The following ERC2 variants were observed in gnomAD, a reference collection of about 807,000 sequenced individuals.
The protein encoded by ERC2 is ERC protein 2.
In ERC2, 42 loss-of-function variants were observed where a neutral mutation model predicts 114.8. The observed-to-expected ratio is 0.37, with a 90% CI of 0.29 to 0.47. ERC2 has a LOEUF of 0.47. Among genes scored for constraint, ERC2 ranks in the 20% least tolerant of loss-of-function variants. ERC2 has a pLI of 0.99. For missense variants in ERC2, 939 were observed against 1,150.7 expected (o/e 0.82, Z 2.66); for synonymous variants, 454 against 425.5 (o/e 1.07, Z -0.82).
At chr3:56,191,519 C>A (rs1483588904) in intron 3 of ERC2, among the ~76,000 whole-genome samples, 1 of 152,190 alleles carries the variant, frequency 6.6e-6, no homozygotes, top group Non-Finnish European at 1.5e-5. Flanking sequence ...CAATCAACCT[C>A]ATTTTACAGA....
At chr3:56,378,923 T>C (rs2106692064) in intron 2 of ERC2, among the ~76,000 whole-genome samples, 1 of 152,336 alleles carries the variant, frequency 6.6e-6, no homozygotes, top group Non-Finnish European at 1.5e-5. Context: ...GCAAGCCACA[T>C]GTGCAATTTT....
chr3:55,627,508 T>C (rs931111654), intron 17 of ERC2, among the ~76,000 whole-genome samples: 1 of 152,092 alleles, frequency 6.6e-6, no homozygotes, highest in Non-Finnish European at 1.5e-5. Flanking sequence ...AATTTCTTTT[T>C]TCTCTGGGTC....
intron 2 of ERC2, among the ~76,000 whole-genome samples, chr3:56,360,203 C>A (rs1034814967): frequency 1.3e-4 from 20 of 151,692 alleles, no homozygotes; most frequent in Admixed American, 5.9e-4. Flanking sequence ...GCACCCACCA[C>A]CACACCTGGC....
chr3:55,583,907 T>C (rs2057455191), intron 17 of ERC2, among the ~76,000 whole-genome samples: 1 of 151,850 alleles, frequency 6.6e-6, no homozygotes, highest in Non-Finnish European at 1.5e-5. Flanking sequence ...CCAAAACAGG[T>C]ACAGGGTTAG....
At chr3:55,767,505 C>T (rs547484736) in intron 14 of ERC2, among the ~76,000 whole-genome samples, 176 of 152,312 alleles carry the variant, frequency 1.2e-3, no homozygotes, top group African/African-American at 4.2e-3. Context: ...CTCGGAGTTA[C>T]TCCTTCTCTC....
intron 17 of ERC2, among the ~76,000 whole-genome samples, chr3:55,565,250 G>T (rs2056292890): frequency 6.6e-6 from 1 of 152,194 alleles, no homozygotes; most frequent in South Asian, 2.1e-4. Flanking sequence ...TTTAAGGAAA[G>T]AATAAGTGAT....
chr3:56,221,559 T>C (rs975596052), intron 3 of ERC2, among the ~76,000 whole-genome samples: 4 of 152,164 alleles, frequency 2.6e-5, no homozygotes, highest in African/African-American at 9.7e-5. Context: ...CCACACTCAA[T>C]TCCAAGGTGT....
At chr3:55,759,475 A>AC in intron 14 of ERC2, among the ~76,000 whole-genome samples, 1 of 102,940 alleles carries the variant, frequency 9.7e-6, no homozygotes, top group African/African-American at 3.9e-5. Context: ...AAAAAAAAAA[A>AC]AAAAAAAAAA....
chr3:56,000,883 G>A, intron 10 of ERC2, among the ~76,000 whole-genome samples: 1 of 142,906 alleles, frequency 7.0e-6, no homozygotes, highest in Non-Finnish European at 1.5e-5. Flanking sequence ...GCGAGACTTC[G>A]TCTTAAGTTT....
At chr3:55,574,723 C>T (rs1185912206) in intron 17 of ERC2, among the ~76,000 whole-genome samples, 1 of 152,180 alleles carries the variant, frequency 6.6e-6, no homozygotes, top group Non-Finnish European at 1.5e-5. Flanking sequence ...GGTGGCATTG[C>T]TACCATGACT....
chr3:56,184,023 C>T (rs940543512), intron 3 of ERC2, among the ~76,000 whole-genome samples: 1 of 152,084 alleles, frequency 6.6e-6, no homozygotes, highest in Non-Finnish European at 1.5e-5. Context: ...TTTCAGCTGT[C>T]ACAAGTAAAT....
At chr3:56,191,854 C>T (rs939594860) in intron 3 of ERC2, among the ~76,000 whole-genome samples, 1 of 152,080 alleles carries the variant, frequency 6.6e-6, no homozygotes, top group African/African-American at 2.4e-5. Flanking sequence ...TCATCTGCTG[C>T]ACAGGCCACA....
chr3:56,196,460 G>C (rs1435656049), intron 3 of ERC2, among the ~76,000 whole-genome samples: 1 of 150,980 alleles, frequency 6.6e-6, no homozygotes, highest in Non-Finnish European at 1.5e-5. Context: ...TAAACTCGCT[G>C]CTGAGTCACA....
chr3:56,025,574 A>G (rs529745802), intron 7 of ERC2, among the ~76,000 whole-genome samples: 1 of 152,318 alleles, frequency 6.6e-6, no homozygotes, highest in Admixed American at 6.5e-5. Context: ...CCAGCAACCA[A>G]GCATTTCTCA....
intron 2 of ERC2, among the ~76,000 whole-genome samples, chr3:56,301,143 G>A (rs1339257451): frequency 2.6e-5 from 4 of 152,268 alleles, no homozygotes; most frequent in East Asian, 3.9e-4. Context: ...AAGTGGTTAC[G>A]ATGGATGCTT....
At chr3:55,814,451 G>C (rs2149135043) in intron 14 of ERC2, among the ~76,000 whole-genome samples, 1 of 152,298 alleles carries the variant, frequency 6.6e-6, no homozygotes, top group East Asian at 1.9e-4. Flanking sequence ...TTTTTGCTCT[G>C]CTGTACTGCA....
intron 2 of ERC2, among the ~76,000 whole-genome samples, chr3:56,316,280 A>G (rs1455859943): frequency 6.6e-6 from 1 of 152,230 alleles, no homozygotes; most frequent in Admixed American, 6.5e-5. Flanking sequence ...TAAAAGTGGA[A>G]AGAATTGCAG....
intron 3 of ERC2, among the ~76,000 whole-genome samples, chr3:56,231,589 A>G (rs112124429): frequency 5.4e-4 from 83 of 152,326 alleles, no homozygotes; most frequent in African/African-American, 2.0e-3. Context: ...AGTATACACA[A>G]TGCATTATAA....
At chr3:56,129,323 G>A (rs549683469) in intron 6 of ERC2, among the ~76,000 whole-genome samples, 1 of 152,312 alleles carries the variant, frequency 6.6e-6, no homozygotes, top group Admixed American at 6.5e-5. Flanking sequence ...TTTTCCAGGG[G>A]AATGGAGGGA....
Sources: gnomAD v4.1 joint callset for allele counts (sites outside exome capture counted in the v4.1 genomes callset) on GRCh38, gnomAD v4.1.1 for gene constraint, MANE v1.5 for transcripts, NCBI Gene and HGNC (gene_info 2026-07-23, HGNC 2026-07-21) for gene names.